The following TCF3 variants were observed in gnomAD, a reference collection of about 807,000 sequenced individuals.
The protein encoded by TCF3 is transcription factor 3.
In TCF3, 54 loss-of-function variants were observed where a neutral mutation model predicts 72.3. That is an observed-to-expected ratio of 0.75 (90% CI 0.60 to 0.94). TCF3 has a LOEUF of 0.94. Among genes scored for constraint, TCF3 ranks in the 40% least tolerant of loss-of-function variants. The probability of loss-of-function intolerance (pLI) is 0.00; values close to 1 mark genes in which losing one functional copy is unlikely to be tolerated. For missense variants in TCF3, 1,078 were observed against 934.4 expected, an observed-to-expected ratio of 1.15 and a Z score of -2.00; for synonymous variants, 525 against 412.6, an observed-to-expected ratio of 1.27 and a Z score of -3.30.
At position 1,614,641 on chromosome 19, in the gene TCF3, G is replaced by C. The variant is rs1205722188; in HGVS notation, c.1822+644C>G. On this transcript the variant is annotated intron_variant, in intron 18 of 18. Transcript: ENST00000262965. This position sits in a 1 kb window ranked among gnomAD's most constrained non-coding sequence, Gnocchi z 5.6. The stretch of plus-strand genomic sequence containing the variant: ...CTGCAGGAGAGAAAGGGTTAACGGG[G>C]TGCAGGCGAGGAAAGGAAGGAGTTA... Among the ~76,000 whole-genome samples the C allele has an allele frequency of 6.6e-6, 1 of 152,186 alleles. No individual in the cohort carries two copies. The highest frequency in any genetic ancestry group is 1.5e-5 in the Non-Finnish European group (1 of 68,030).
intron 3 of TCF3, among the ~76,000 whole-genome samples, chr19:1,638,060 C>CT (rs1016669932): frequency 6.6e-6 from 1 of 152,188 alleles, no homozygotes; most frequent in Non-Finnish European, 1.5e-5. Flanking sequence ...ATGGCAGAGC[C>CT]TGGGGGTTCT....
In TCF3 at chr19:1,632,418, C is replaced by CAG. The variant is rs1167674993; in HGVS notation, c.146-15_146-14dup. 2 of 1,585,708 alleles carry CAG rather than the reference C, an allele frequency of 1.3e-6. No individual in the cohort carries two copies. The highest frequency in any genetic ancestry group is 1.7e-6 in the Non-Finnish European group (2 of 1,166,190). ...CGGTCCTCAAGACCTGCAGGCAGGA[C>CAG]AGAGAGAGTTATGGGTCACCCTCAC... On this transcript the variant is annotated splice_polypyrimidine_tract_variant and intron_variant, in intron 3 of 18. Coordinates refer to ENST00000262965, the MANE Select transcript of TCF3 (RefSeq NM_003200.5).
chr19:1,632,170 C>A, intron 4 of TCF3, 54 bp from the exon 5 acceptor site: 1 of 1,586,198 alleles, frequency 6.3e-7, no homozygotes. Context: ...GGCCCCCCCT[C>A]CACCCCGCAT....
Position 1,652,541 on chromosome 19 carries a change from G to A in TCF3, c.-281C>T, listed in dbSNP as rs2067284921. ...GTGCGCGGTGCCCGCGGTGCCCGCCGCCGCGTCGGCTCCGGCCCGCTACGC... is the reference window on the plus strand; with the variant it reads ...GTGCGCGGTGCCCGCGGTGCCCGCCACCGCGTCGGCTCCGGCCCGCTACGC... On this transcript the variant is annotated 5_prime_UTR_variant, in exon 1 of 19. Transcript: ENST00000262965. 7.0e-6 allele frequency: 1 copy of A among 142,842 alleles called. No individual in the cohort carries two copies. The highest frequency in any genetic ancestry group is 1.5e-5 in the Non-Finnish European group (1 of 64,870). 8.8% of individuals were successfully genotyped at this position (142,842 alleles called of 1,614,324 possible).
In TCF3 at chr19:1,627,539, A is replaced by C. The variant is rs183914843; in HGVS notation, c.299-113T>G. 1,498 of 941,034 alleles carry C rather than the reference A, an allele frequency of 1.6e-3. 9 individuals are homozygous for C. The African/African-American group carries it at 0.021, about 13-fold the overall frequency. 58.3% of individuals were successfully genotyped at this position (941,034 alleles called of 1,614,324 possible). On this transcript the variant is annotated intron_variant, in intron 5 of 18. Transcript: ENST00000262965. ...CTCTCAGTAAGTGCACACGACTGAGAGCGCCACGGCAGGATGCTGGCAGAG... is the reference window on the plus strand; with the variant it reads ...CTCTCAGTAAGTGCACACGACTGAGCGCGCCACGGCAGGATGCTGGCAGAG...
chr19:1,620,012 G>T (rs867327972), intron 13 of TCF3, among the ~76,000 whole-genome samples, 159 bp from the exon 14 acceptor site: 27 of 152,154 alleles, frequency 1.8e-4, no homozygotes, highest in Non-Finnish European at 1.3e-4. Flanking sequence ...AAAGCTGCTC[G>T]GCCCCGCCAG....
In TCF3 at chr19:1,615,589, C is replaced by T. The variant is rs770244105; in HGVS notation, c.1587-69G>A. 9.3e-6 allele frequency: 15 copies of T among 1,605,862 alleles called. No homozygotes were observed. Among genetic ancestry groups the T allele is most frequent in the South Asian group, 2.2e-5 (2 of 91,064 alleles). On this transcript the variant is annotated intron_variant, in intron 17 of 18. Transcript: ENST00000262965. The surrounding 1 kb of genome is among the most constrained non-coding windows in gnomAD (Gnocchi z 7.3). Reference sequence around the variant, plus strand: ...GTTGGGGGAAGAGCGTGGGGCCCGCCGACGGCCTCCCAGTGTGGGTGCGGT... The same window carrying T: ...GTTGGGGGAAGAGCGTGGGGCCCGCTGACGGCCTCCCAGTGTGGGTGCGGT...
In TCF3 at chr19:1,632,443, C is replaced by G. The variant is rs540989160; in HGVS notation, c.146-38G>C. 5 of 1,549,190 alleles carry G rather than the reference C, an allele frequency of 3.2e-6. No homozygotes were observed. In the Admixed American group the frequency reaches 9.6e-5, roughly 30 times the overall value. The stretch of plus-strand genomic sequence containing the variant: ...CAGAGAGAGTTATGGGTCACCCTCA[C>G]GCCTGCCCAGCTCTAAAAGCTTCGG... On this transcript the variant is annotated intron_variant, in intron 3 of 18. Coordinates refer to ENST00000262965, the MANE Select transcript of TCF3 (RefSeq NM_003200.5).
chr19:1,625,792 G>T, intron 6 of TCF3, 84 bp from the exon 7 acceptor site: 1 of 1,408,794 alleles, frequency 7.1e-7, no homozygotes. Context: ...TGCAAAGGCC[G>T]AAGCCACTCA....
intron 6 of TCF3, 29 bp from the exon 7 acceptor site, chr19:1,625,737 C>G: frequency 1.4e-6 from 2 of 1,471,454 alleles, no homozygotes; most frequent in South Asian, 1.4e-5. Flanking sequence ...TCAGAAAGCG[C>G]CCAGCTGGCA....
intron 7 of TCF3, among the ~76,000 whole-genome samples, chr19:1,625,231 G>A (rs1004620822): frequency 1.3e-5 from 2 of 152,234 alleles, no homozygotes; most frequent in African/African-American, 4.8e-5. Context: ...CCTCGCGGGG[G>A]ATGCCCGCGT....
At position 1,609,654 on chromosome 19, in the gene TCF3, T is replaced by C. The variant is rs2060851363; in HGVS notation, c.*2053A>G. The C allele has an allele frequency of 4.5e-6, 1 of 223,466 alleles. No individual in the cohort carries two copies. Among genetic ancestry groups the C allele is most frequent in the Non-Finnish European group, 8.9e-6 (1 of 112,640 alleles). The allele number at this position is 223,466 out of a possible 1,614,324, so 13.8% of individuals were successfully genotyped here. A position where few individuals can be genotyped will look rare whatever the true frequency, so the allele number is the denominator to read the frequency against. ...GGGAGAGGCAAGTTCCCTTAAGAGA[T>C]CAAACTCCCAGGGCGTAGGGGAAGC... On this transcript the variant is annotated 3_prime_UTR_variant, in exon 19 of 19. Coordinates refer to ENST00000262965, the MANE Select transcript of TCF3 (RefSeq NM_003200.5).
At position 1,621,930 on chromosome 19, in the gene TCF3, G is replaced by A. The variant is rs768859170; in HGVS notation, c.863C>T (p.Pro288Leu). The change falls in exon 11 of 19, where the codon CCA becomes CTA. Residue 288 changes from proline to leucine, a missense_variant. Transcript: ENST00000262965. ...LHGAEVNGGLPSASSFSSAPG... is the reference protein window; with the variant it reads ...LHGAEVNGGLLSASSFSSAPG... Reference sequence around the variant, plus strand: ...GGCTGAGGAGAAGGAGGATGCAGATGGGAGCCCACCGTTCACCTCTGCTCC... The same window carrying A: ...GGCTGAGGAGAAGGAGGATGCAGATAGGAGCCCACCGTTCACCTCTGCTCC... The A allele has an allele frequency of 2.5e-6, 4 of 1,605,480 alleles. No individual in the cohort carries two copies. The highest frequency in any genetic ancestry group is 2.2e-5 in the East Asian group (1 of 44,536).
rs889389184 is a variant in TCF3 at position 1,619,562 on chromosome 19, G to C, written c.1168-88C>G. ...ATGTCCCTTCCGCATGCAAGTGGCC[G>C]GTGGTCCCATCTTCCCCTTCCCCAG... On this transcript the variant is annotated intron_variant, in intron 14 of 18. Transcript: ENST00000262965. 8.1e-6 allele frequency: 12 copies of C among 1,478,072 alleles called. No individual in the cohort carries two copies. The Admixed American group carries it at 2.0e-4, about 25-fold the overall frequency. The allele number at this position is 1,478,072 out of a possible 1,614,324, so 91.6% of individuals were successfully genotyped here.
At position 1,637,714 on chromosome 19, in the gene TCF3, G is replaced by T. The variant is rs1023115695; in HGVS notation, c.146-5309C>A. ...CACGAGGTCCAGAAATCAAGACCAT[G>T]CTGGCCAACAGGGTGAAACCCCCGT... On this transcript the variant is annotated intron_variant, in intron 3 of 18. Transcript: ENST00000262965. 1.3e-5 allele frequency among the ~76,000 whole-genome samples: 2 copies of T among 152,194 alleles called. 1 individual carries two copies.
At position 1,625,021 on chromosome 19, in the gene TCF3, A is replaced by C. The variant is rs528277264; in HGVS notation, c.499+555T>G. ...CCACCATACTTAGCTAATTTTTAAAATTTTTCGCAAAGATGGGATCTCCCT... is the reference window on the plus strand; with the variant it reads ...CCACCATACTTAGCTAATTTTTAAACTTTTTCGCAAAGATGGGATCTCCCT... On this transcript the variant is annotated intron_variant, in intron 7 of 18. Transcript: ENST00000262965. 1.7e-4 allele frequency among the ~76,000 whole-genome samples: 26 copies of C among 151,968 alleles called. 1 individual carries two copies. Among genetic ancestry groups the C allele is most frequent in the Admixed American group, 7.9e-4 (12 of 15,268 alleles).
intron 6 of TCF3, 110 bp downstream of exon 6, chr19:1,627,249 G>C: frequency 2.1e-6 from 1 of 487,756 alleles, no homozygotes; most frequent in Non-Finnish European, 3.1e-6. Context: ...TTCGCTATCA[G>C]GAAGCAAACA....
intron 16 of TCF3, among the ~76,000 whole-genome samples, chr19:1,617,876 G>A (rs2061714520): frequency 6.6e-6 from 1 of 152,138 alleles, no homozygotes; most frequent in African/African-American, 2.4e-5. Flanking sequence ...CCTCAGCCCT[G>A]ACAACTGTAG....
At chr19:1,641,802 A>T (rs150174901) in intron 3 of TCF3, among the ~76,000 whole-genome samples, 184 of 152,096 alleles carry the variant, frequency 1.2e-3, no homozygotes, top group African/African-American at 4.3e-3. Flanking sequence ...CATGTTGCCC[A>T]GGCTGGTCTT....
Sources: allele counts gnomAD v4.1 joint callset (sites outside exome capture counted in the v4.1 genomes callset), GRCh38; gene constraint gnomAD v4.1.1; non-coding constraint Gnocchi (gnomAD v3.1); transcripts MANE v1.5; gene names NCBI Gene and HGNC (gene_info 2026-07-23, HGNC 2026-07-21).